EEF1G: variants seen among roughly 807,000 people sequenced by gnomAD.
The protein encoded by EEF1G is eukaryotic translation elongation factor 1 gamma.
Under a neutral mutation model 58.3 loss-of-function variants are expected in EEF1G, and 14 were observed. That is an observed-to-expected ratio of 0.24 (90% CI 0.16 to 0.38). The LOEUF is 0.38. Ranked by LOEUF, EEF1G falls within the 10% of genes least tolerant of loss-of-function variation. The pLI is 1.00. For missense variants in EEF1G, 322 were observed against 550.1 expected (o/e 0.59, Z 4.15); for synonymous variants, 180 against 206.8 (o/e 0.87, Z 1.11).
At chr11:62,561,450 G>A (rs1470099582) in intron 7 of EEF1G, among the ~76,000 whole-genome samples, 6 of 150,166 alleles carry the variant, frequency 4.0e-5, no homozygotes, top group Admixed American at 6.6e-5. Flanking sequence ...CGAGGCGGGC[G>A]GATCACGAGG....
rs781764888 is a variant in EEF1G, at chr11:62,573,869, G to T, written c.-27C>A. 4 of 1,613,562 alleles carry T rather than the reference G, an allele frequency of 2.5e-6. No homozygotes were observed. The highest frequency in any genetic ancestry group is 3.3e-5 in the Admixed American group (2 of 60,008). On this transcript the variant is annotated 5_prime_UTR_variant, in exon 1 of 10. Coordinates refer to ENST00000329251, the MANE Select transcript of EEF1G (RefSeq NM_001404.5). Reference sequence around the variant, plus strand: ...GTGATTCCGCAAAGAAAGGGGGTGGGGTTCTCGGCGCTGCCGCAAAGTAAG... The same window carrying T: ...GTGATTCCGCAAAGAAAGGGGGTGGTGTTCTCGGCGCTGCCGCAAAGTAAG...
At chr11:62,562,931 G>A (rs1941515007) in intron 7 of EEF1G, among the ~76,000 whole-genome samples, 1 of 151,446 alleles carries the variant, frequency 6.6e-6, no homozygotes, top group Admixed American at 6.6e-5. Flanking sequence ...GCGAGACACT[G>A]TCTCTACAAA....
At chr11:62,567,557 T>C in intron 5 of EEF1G, 29 bp from the exon 6 acceptor site, 1 of 1,560,324 alleles carries the variant, frequency 6.4e-7, no homozygotes, top group South Asian at 1.2e-5. Flanking sequence ...GTAAACAAAG[T>C]CAGTGGAAAG....
Position 62,572,626 on chromosome 11 carries a change from G to A in EEF1G, c.129C>T (p.Thr43=), listed in dbSNP as rs758976756. 1.2e-6 allele frequency: 2 copies of A among 1,612,342 alleles called. No homozygotes were observed. Among genetic ancestry groups the A allele is most frequent in the Non-Finnish European group, 1.7e-6 (2 of 1,179,870 alleles). ...TGCGGAGAAATTCAGGGGTGCGGTTGGTTTGGCCAAAATGGAAGTGGGGTG... is the reference window on the plus strand; with the variant it reads ...TGCGGAGAAATTCAGGGGTGCGGTTAGTTTGGCCAAAATGGAAGTGGGGTG... ...SAPPHFHFGQ[T]NRTPEFLRKF... Residue 43 remains threonine (T), a synonymous_variant, in exon 2 of 10, where the codon ACC becomes ACT. Coordinates refer to ENST00000329251, the MANE Select transcript of EEF1G (RefSeq NM_001404.5).
intron 7 of EEF1G, among the ~76,000 whole-genome samples, chr11:62,563,595 T>C (rs1941523640): frequency 6.6e-6 from 1 of 152,224 alleles, no homozygotes; most frequent in Non-Finnish European, 1.5e-5. Flanking sequence ...CCAAACAATC[T>C]TCTAATGCAG....
intron 7 of EEF1G, among the ~76,000 whole-genome samples, chr11:62,562,575 G>A (rs968142619): frequency 3.9e-5 from 6 of 152,066 alleles, no homozygotes; most frequent in South Asian, 4.2e-4. Context: ...TCTACCTACC[G>A]GGTTCAAGCG....
intron 5 of EEF1G, among the ~76,000 whole-genome samples, chr11:62,567,760 A>G (rs1467847921): frequency 1.3e-5 from 2 of 149,448 alleles, no homozygotes; most frequent in African/African-American, 2.5e-5. Flanking sequence ...GCTGGGGTGC[A>G]ATGGCGTGAT....
At chr11:62,568,191 G>C (rs977921648) in intron 5 of EEF1G, among the ~76,000 whole-genome samples, 46 of 142,734 alleles carry the variant, frequency 3.2e-4, no homozygotes, top group Non-Finnish European at 5.4e-4. Flanking sequence ...TCGCGGCACT[G>C]CATTCCAGCC....
At position 62,566,988 on chromosome 11, in the gene EEF1G, T is replaced by G. The variant is rs371597439; in HGVS notation, c.675A>C (p.Gln225His). 5 of 1,613,972 alleles carry G rather than the reference T, an allele frequency of 3.1e-6. No individual in the cohort carries two copies. Among genetic ancestry groups the G allele is most frequent in the South Asian group, 1.1e-5 (1 of 91,090 alleles). The change falls in exon 7 of 10, where the codon CAA (glutamine) becomes CAC (histidine). Residue 225 changes from glutamine to histidine, a missense_variant. Around this residue, in one of 3 missense-constraint regions of EEF1G, gnomAD observed 208 missense variants for 323.7 expected, o/e 0.64. Transcript: ENST00000329251. ...QFDAKKFAET[Q>H]PKKDTPRKEK... ...CTTTCCGTGGTGTGTCCTTTTTAGG[T>G]TGGGTCTCTGCAAACTTTTTAGCTG...
chr11:62,567,962 G>A (rs1459839461), intron 5 of EEF1G, among the ~76,000 whole-genome samples: 1 of 150,982 alleles, frequency 6.6e-6, no homozygotes, highest in East Asian at 2.0e-4. Context: ...CAAGTGATCC[G>A]CCCACCTCGG....
intron 1 of EEF1G, chr11:62,573,248 C>T (rs1288196612): frequency 1.3e-5 from 2 of 157,488 alleles, no homozygotes; most frequent in Non-Finnish European, 2.8e-5. Context: ...GGCATGCCGT[C>T]TTCTTAAATC....
intron 6 of EEF1G, 100 bp downstream of exon 6, chr11:62,567,299 G>A (rs1319276650): frequency 6.9e-7 from 1 of 1,450,606 alleles, no homozygotes; most frequent in African/African-American, 1.4e-5. Flanking sequence ...CATTCTGCAG[G>A]TCCCCATAAC....
At position 62,572,458 on chromosome 11, in the gene EEF1G, A is replaced by G. The variant is rs541980730; in HGVS notation, c.171+126T>C. Reference sequence around the variant, plus strand: ...AAATCTGTATTTATCTCAAAATAAAATCACCGAAATTGAATAAAACAACAT... The same window carrying G: ...AAATCTGTATTTATCTCAAAATAAAGTCACCGAAATTGAATAAAACAACAT... On this transcript the variant is annotated intron_variant, in intron 2 of 9. Coordinates refer to ENST00000329251, the MANE Select transcript of EEF1G (RefSeq NM_001404.5). 45 of 1,278,198 alleles carry G rather than the reference A, an allele frequency of 3.5e-5. No individual in the cohort carries two copies. In the African/African-American group the frequency reaches 6.1e-4, roughly 17 times the overall value. 79.2% of individuals were successfully genotyped at this position (1,278,198 alleles called of 1,614,324 possible).
At chr11:62,573,708 T>C in intron 1 of EEF1G, 123 bp downstream of exon 1, 2 of 1,386,576 alleles carry the variant, frequency 1.4e-6, no homozygotes, top group Non-Finnish European at 2.0e-6. Context: ...AGCAGTACAG[T>C]CTGTAGACCC....
intron 5 of EEF1G, among the ~76,000 whole-genome samples, chr11:62,570,504 G>A (rs553033200): frequency 4.6e-5 from 7 of 152,288 alleles, no homozygotes; most frequent in African/African-American, 1.2e-4. Context: ...ACATTACCCA[G>A]CTTCTTAAGA....
chr11:62,568,700 C>T (rs1205502696), intron 5 of EEF1G, among the ~76,000 whole-genome samples: 4 of 151,950 alleles, frequency 2.6e-5, no homozygotes, highest in African/African-American at 9.7e-5. Flanking sequence ...CGGCCAGGAG[C>T]GGTGGCTCAC....
chr11:62,564,236 G>A lies in EEF1G; in HGVS notation c.857+2570C>T, dbSNP rs181591286. Among the ~76,000 whole-genome samples, 10 of 152,322 alleles carry A rather than the reference G, an allele frequency of 6.6e-5. No individual in the cohort carries two copies. In the East Asian group the frequency reaches 1.9e-3, roughly 29 times the overall value. ...CCAGCATTTTGGGAGGCCAAGGCAGGCGGATTGCCTGAGGTCAGGAGTTTG... is the reference window on the plus strand; with the variant it reads ...CCAGCATTTTGGGAGGCCAAGGCAGACGGATTGCCTGAGGTCAGGAGTTTG... On this transcript the variant is annotated intron_variant, in intron 7 of 9. Transcript: ENST00000329251.
intron 5 of EEF1G, among the ~76,000 whole-genome samples, chr11:62,568,011 C>G (rs1222715051): frequency 2.0e-5 from 3 of 150,850 alleles, no homozygotes; most frequent in Admixed American, 1.3e-4. Flanking sequence ...GGGCGGATCA[C>G]GAGGTCAGGA....
At chr11:62,567,334 G>T in intron 6 of EEF1G, 65 bp downstream of exon 6, 1 of 1,524,878 alleles carries the variant, frequency 6.6e-7, no homozygotes. Context: ...GGAAATCAAG[G>T]GGTTGATGCA....
Sources: gnomAD v4.1 joint callset for allele counts (sites outside exome capture counted in the v4.1 genomes callset) on GRCh38, gnomAD v4.1.1 for gene constraint, gnomAD v4.1.1 regional missense constraint, MANE v1.5 for transcripts, NCBI Gene and HGNC (gene_info 2026-07-23, HGNC 2026-07-21) for gene names.